The following HSD17B2 variants were observed in gnomAD, a reference collection of about 807,000 sequenced individuals.
HSD17B2 encodes hydroxysteroid 17-beta dehydrogenase 2.
A neutral mutation model predicts 26.9 loss-of-function variants in HSD17B2; 32 were observed. That is an observed-to-expected ratio of 1.19 (90% CI 0.90 to 1.60). HSD17B2 has a LOEUF of 1.60. HSD17B2 is among the 40% of genes most tolerant of loss of function. HSD17B2 has a pLI of 0.00. For missense variants in HSD17B2, 613 were observed against 468.6 expected, an observed-to-expected ratio of 1.31 and a Z score of -2.85; for synonymous variants, 246 against 186.7, an observed-to-expected ratio of 1.32 and a Z score of -2.59.
rs758557738 is a variant in HSD17B2, at chr16:82,098,076, T to C, written c.804T>C (p.Asn268=). 3.1e-6 allele frequency: 5 copies of C among 1,608,416 alleles called. No individual in the cohort carries two copies. In the Admixed American group the frequency reaches 6.7e-5, roughly 22 times the overall value. The change falls in exon 5 of 5, where the codon AAT becomes AAC. Residue 268 remains asparagine (N), a splice_region_variant and synonymous_variant. Transcript: ENST00000199936. Reference sequence around the variant, plus strand: ...CTCTTCCCTTTCCTTTCACCCCAGATATCGCAGGCACCAGTGACAAGTGGG... The same window carrying C: ...CTCTTCCCTTTCCTTTCACCCCAGACATCGCAGGCACCAGTGACAAGTGGG... The part of the protein sequence containing the change: ...ASIQPGGFLT[N]IAGTSDKWEK...
intron 3 of HSD17B2, among the ~76,000 whole-genome samples, chr16:82,075,068 C>G (rs968127817): frequency 6.6e-6 from 1 of 151,956 alleles, no homozygotes; most frequent in Non-Finnish European, 1.5e-5. Flanking sequence ...TATATAAGCA[C>G]ATGGAAATTA....
At chr16:82,066,678 C>T (rs1446673054) in intron 1 of HSD17B2, among the ~76,000 whole-genome samples, 1 of 152,054 alleles carries the variant, frequency 6.6e-6, no homozygotes, top group East Asian at 1.9e-4. Context: ...CATTTCCACA[C>T]CTCGCTATTT....
At chr16:82,091,913 C>T (rs1348657267) in intron 4 of HSD17B2, 4 of 152,182 alleles carry the variant, frequency 2.6e-5, no homozygotes, top group Non-Finnish European at 4.4e-5. Flanking sequence ...GAACCCTGGT[C>T]CCCTGGTGCC....
chr16:82,097,131 G>A (rs956532047), intron 4 of HSD17B2: 23 of 151,612 alleles, frequency 1.5e-4, no homozygotes, highest in African/African-American at 5.6e-4. Flanking sequence ...TGGGCTCGAG[G>A]GGTCCTCCCA....
chr16:82,083,631 G>T (rs1400224720), intron 3 of HSD17B2, among the ~76,000 whole-genome samples: 1 of 152,142 alleles, frequency 6.6e-6, no homozygotes, highest in Non-Finnish European at 1.5e-5. Context: ...AGGATCTGGG[G>T]CAGCAGCTGA....
intron 2 of HSD17B2, 176 bp from the exon 3 acceptor site, chr16:82,070,766 C>T: frequency 1.7e-6 from 1 of 596,604 alleles, no homozygotes; most frequent in Non-Finnish European, 3.0e-6. Flanking sequence ...ACAGGAATTC[C>T]CCTCCCACTC....
intron 1 of HSD17B2, among the ~76,000 whole-genome samples, chr16:82,055,788 A>G (rs1176524578): frequency 1.3e-5 from 2 of 152,216 alleles, no homozygotes; most frequent in Non-Finnish European, 2.9e-5. Context: ...AAACCATGCA[A>G]TAGAAGCGTG....
chr16:82,059,238 C>A lies in HSD17B2; in HGVS notation c.266-8932C>A, dbSNP rs1914363105. Among the ~76,000 whole-genome samples the A allele has an allele frequency of 3.9e-5, 6 of 152,208 alleles. No homozygotes were observed. In the South Asian group the frequency reaches 1.2e-3, roughly 32 times the overall value. The stretch of plus-strand genomic sequence containing the variant: ...TTCTCTCTAGACCAGGGTTTCTCAG[C>A]CTTGGCACTGTTGATATTTGAGGAT... On this transcript the variant is annotated intron_variant, in intron 1 of 4. Transcript: ENST00000199936.
chr16:82,097,518 T>G (rs1161865108), intron 4 of HSD17B2: 1 of 151,992 alleles, frequency 6.6e-6, no homozygotes, highest in Non-Finnish European at 1.5e-5. Context: ...TGCCCAGACT[T>G]GTTTTGTTCT....
At position 82,039,983 on chromosome 16, in the gene HSD17B2, A is replaced by G. The variant is rs146726996; in HGVS notation, c.265+4294A>G. On this transcript the variant is annotated intron_variant, in intron 1 of 4. Coordinates refer to ENST00000199936, the MANE Select transcript of HSD17B2 (RefSeq NM_002153.3). ...AAAGAGGGACCTCGTTAAGAATCTA[A>G]AATTAGTTTTCTAGGGGGAAAGTGA... Among the ~76,000 whole-genome samples the G allele has an allele frequency of 2.6e-4, 39 of 152,330 alleles. No homozygotes were observed. The East Asian group carries it at 4.6e-3, about 18-fold the overall frequency.
intron 1 of HSD17B2, among the ~76,000 whole-genome samples, chr16:82,057,636 C>A (rs2143953624): frequency 6.6e-6 from 1 of 152,330 alleles, no homozygotes; most frequent in African/African-American, 2.4e-5. Context: ...TCCAGGTCAA[C>A]ATCAGCAGCA....
intron 1 of HSD17B2, among the ~76,000 whole-genome samples, chr16:82,059,883 A>G (rs1311414763): frequency 6.6e-6 from 1 of 152,150 alleles, no homozygotes; most frequent in Non-Finnish European, 1.5e-5. Flanking sequence ...ATTCTTCATA[A>G]AGGTTATGTT....
chr16:82,066,270 C>A (rs1914569894), intron 1 of HSD17B2, among the ~76,000 whole-genome samples: 1 of 152,166 alleles, frequency 6.6e-6, no homozygotes, highest in Non-Finnish European at 1.5e-5. Context: ...CAATGACATA[C>A]ATGGAGACAT....
rs182891559 is a variant in HSD17B2 at position 82,068,331 on chromosome 16, G to C, written c.427G>C (p.Val143Leu). The change falls in exon 2 of 5, where the codon GTG becomes CTG. Residue 143 changes from valine (V) to leucine (L), a missense_variant. Val to Leu is a conservative substitution (Grantham distance 32). Transcript: ENST00000199936. ...SVLQMDITKP[V>L]QIKDAYSKVA... Reference sequence around the variant, plus strand: ...GCTCCAAATGGACATCACGAAGCCAGTGCAGATAAAAGATGCTTACAGCAA... The same window carrying C: ...GCTCCAAATGGACATCACGAAGCCACTGCAGATAAAAGATGCTTACAGCAA... 1.9e-6 allele frequency: 3 copies of C among 1,613,870 alleles called. No individual in the cohort carries two copies. The South Asian group carries it at 3.3e-5, about 18-fold the overall frequency.
intron 4 of HSD17B2, chr16:82,094,239 G>T (rs1475591421): frequency 1.3e-5 from 2 of 152,148 alleles, no homozygotes; most frequent in Non-Finnish European, 2.9e-5. Context: ...TATTCAAGAT[G>T]GAGTTACTCT....
chr16:82,059,525 C>CT (rs1914372213), intron 1 of HSD17B2, among the ~76,000 whole-genome samples: 1 of 151,984 alleles, frequency 6.6e-6, no homozygotes, highest in Non-Finnish European at 1.5e-5. Flanking sequence ...TGGGCATTGA[C>CT]TTTTTTTTAG....
chr16:82,069,615 G>C (rs912164968), intron 2 of HSD17B2, among the ~76,000 whole-genome samples: 1 of 152,138 alleles, frequency 6.6e-6, no homozygotes, highest in Non-Finnish European at 1.5e-5. Flanking sequence ...ATGCTTCTGA[G>C]GGTTGCATCT....
chr16:82,092,491 G>A (rs1382497956), intron 4 of HSD17B2: 2 of 152,190 alleles, frequency 1.3e-5, no homozygotes, highest in African/African-American at 2.4e-5. Flanking sequence ...AGGTTTGAAT[G>A]TTATCCCAAA....
chr16:82,098,467 T>G lies in HSD17B2; in HGVS notation c.*31T>G. The G allele has an allele frequency of 6.5e-7, 1 of 1,549,882 alleles. No individual in the cohort carries two copies. The highest frequency in any genetic ancestry group is 8.7e-7 in the Non-Finnish European group (1 of 1,153,054). On this transcript the variant is annotated 3_prime_UTR_variant, in exon 5 of 5. Transcript: ENST00000199936. ...GGAAGCCCTCAAAGAAGTCGGAATG[T>G]CATAGTCTTGAAATGAAAGGGAAAC...
Sources: gnomAD v4.1 joint callset for allele counts (sites outside exome capture counted in the v4.1 genomes callset) on GRCh38, gnomAD v4.1.1 for gene constraint, MANE v1.5 for transcripts, NCBI Gene and HGNC (gene_info 2026-07-23, HGNC 2026-07-21) for gene names.